RGS6: variants seen among roughly 807,000 people sequenced by gnomAD.
RGS6 encodes the protein regulator of G-protein signaling 6.
Under a neutral mutation model 78.5 loss-of-function variants are expected in RGS6, and 30 were observed. That is an observed-to-expected ratio of 0.38 (90% CI 0.29 to 0.52). RGS6 has a LOEUF of 0.52. Ranked by LOEUF, RGS6 falls within the 20% of genes least tolerant of loss-of-function variation. The probability of loss-of-function intolerance (pLI) is 0.85; values close to 1 mark genes in which losing one functional copy is unlikely to be tolerated. For synonymous variants in RGS6, 206 were observed against 206.0 expected (o/e 1.00, Z 0.00); for missense variants, 495 against 609.7 (o/e 0.81, Z 1.98).
At chr14:72,097,963 T>C (rs2095443768) in intron 2 of RGS6, among the ~76,000 whole-genome samples, 2 of 152,198 alleles carry the variant, frequency 1.3e-5, no homozygotes, top group Non-Finnish European at 2.9e-5. Flanking sequence ...GATGTCTGGG[T>C]CATTTTTCCA....
At chr14:72,002,728 G>A (rs1410026105) in intron 2 of RGS6, among the ~76,000 whole-genome samples, 3 of 152,096 alleles carry the variant, frequency 2.0e-5, no homozygotes, top group Non-Finnish European at 4.4e-5. Flanking sequence ...TGTGTTTCTG[G>A]GGAGACAGAT....
At chr14:72,627,076 G>A in the RGS6 span, among the ~76,000 whole-genome samples, 6 of 151,834 alleles carry the variant, frequency 4.0e-5, no homozygotes, top group Admixed American at 1.3e-4. Context: ...TTAAACTGTG[G>A]TACATGCTGC....
intron 2 of RGS6, among the ~76,000 whole-genome samples, chr14:72,077,809 A>G (rs1234309763): frequency 1.3e-5 from 2 of 152,222 alleles, no homozygotes; most frequent in African/African-American, 4.8e-5. Context: ...CCCTAGGGGT[A>G]TTAGTATTTA....
chr14:72,184,373 C>G (rs1599023967), intron 2 of RGS6, among the ~76,000 whole-genome samples: 1 of 85,846 alleles, frequency 1.2e-5, no homozygotes, highest in East Asian at 2.4e-4. Context: ...CTTTCAAACA[C>G]ACACACACAC....
At chr14:72,215,562 G>A (rs2045364310) in intron 2 of RGS6, among the ~76,000 whole-genome samples, 1 of 152,198 alleles carries the variant, frequency 6.6e-6, no homozygotes, top group Non-Finnish European at 1.5e-5. Flanking sequence ...CCCTACTGCT[G>A]TGTCCCGTTT....
At chr14:72,092,533 C>T (rs576688561) in intron 2 of RGS6, among the ~76,000 whole-genome samples, 5 of 152,144 alleles carry the variant, frequency 3.3e-5, no homozygotes, top group South Asian at 2.1e-4. Context: ...AGGCACCTGC[C>T]ACCACGCCCA....
chr14:72,329,265 C>T lies in RGS6; in HGVS notation c.85-22830C>T, dbSNP rs532005206. Among the ~76,000 whole-genome samples the T allele has an allele frequency of 1.0e-4, 16 of 152,390 alleles. No homozygotes were observed. In the South Asian group the frequency reaches 3.3e-3, roughly 32 times the overall value. ...ATGCACACACATACATATGCACATGCATGAACACATGCTTCACGGCGCTTC... is the reference window on the plus strand; with the variant it reads ...ATGCACACACATACATATGCACATGTATGAACACATGCTTCACGGCGCTTC... On this transcript the variant is annotated intron_variant, in intron 2 of 17. Coordinates refer to ENST00000553525, the MANE Select transcript of RGS6 (RefSeq NM_001204424.2).
chr14:72,374,850 A>C (rs1267270309), intron 3 of RGS6, among the ~76,000 whole-genome samples: 1 of 152,220 alleles, frequency 6.6e-6, no homozygotes, highest in Admixed American at 6.5e-5. Context: ...TTTTTAAAGA[A>C]ATAAGAGAGT....
chr14:72,303,555 A>T (rs1333200462), intron 2 of RGS6, among the ~76,000 whole-genome samples: 1 of 152,152 alleles, frequency 6.6e-6, no homozygotes, highest in African/African-American at 2.4e-5. Flanking sequence ...AGATTCCCCC[A>T]TGAGTTTCTG....
chr14:72,099,250 C>G (rs1418888895), intron 2 of RGS6, among the ~76,000 whole-genome samples: 1 of 152,062 alleles, frequency 6.6e-6, no homozygotes, highest in Non-Finnish European at 1.5e-5. Context: ...AGCTCTGCCT[C>G]CTGGGTTCAT....
At chr14:72,047,906 T>A (rs927855571) in intron 2 of RGS6, among the ~76,000 whole-genome samples, 6 of 147,430 alleles carry the variant, frequency 4.1e-5, no homozygotes, top group African/African-American at 1.5e-4. Context: ...TTGTTTTTTT[T>A]TTTTTTTTTT....
intron 3 of RGS6, among the ~76,000 whole-genome samples, chr14:72,415,100 ACTG>A (rs2093703444): frequency 6.6e-6 from 1 of 152,238 alleles, no homozygotes. Flanking sequence ...TGCAGAGGTT[ACTG>A]CTGCCTTTTG....
the RGS6 span, among the ~76,000 whole-genome samples, chr14:71,883,589 A>T: frequency 6.6e-6 from 1 of 152,128 alleles, no homozygotes; most frequent in Non-Finnish European, 1.5e-5. Flanking sequence ...CATTCCCAAG[A>T]GGTGAGGCAT....
intron 2 of RGS6, among the ~76,000 whole-genome samples, chr14:72,273,069 T>C (rs975425359): frequency 5.0e-4 from 76 of 151,350 alleles, no homozygotes; most frequent in Admixed American, 3.3e-4. Flanking sequence ...TGAGTGGAGG[T>C]TGCAGTGAGC....
chr14:72,175,923 G>A (rs1021077078), intron 2 of RGS6, among the ~76,000 whole-genome samples: 1 of 152,168 alleles, frequency 6.6e-6, no homozygotes, highest in Non-Finnish European at 1.5e-5. Context: ...GGGAGAATGA[G>A]CCTGTCTCTT....
At chr14:72,432,933 C>G (rs115252868) in intron 3 of RGS6, among the ~76,000 whole-genome samples, 65 of 152,252 alleles carry the variant, frequency 4.3e-4, no homozygotes, top group African/African-American at 1.6e-3. Flanking sequence ...TGTCACACAC[C>G]ATTCTAATGT....
chr14:72,615,706 G>A, the RGS6 span, among the ~76,000 whole-genome samples: 1 of 151,980 alleles, frequency 6.6e-6, no homozygotes, highest in Admixed American at 6.5e-5. Context: ...ACAGGAGCAG[G>A]GGAGCCTTGG....
At chr14:72,014,840 C>T (rs1273218420) in intron 2 of RGS6, among the ~76,000 whole-genome samples, 2 of 152,158 alleles carry the variant, frequency 1.3e-5, no homozygotes, top group African/African-American at 4.8e-5. Flanking sequence ...CCTCCATACC[C>T]GTCTGCCTTC....
At chr14:71,949,871 C>G (rs1232356834) in intron 1 of RGS6, among the ~76,000 whole-genome samples, 2 of 150,452 alleles carry the variant, frequency 1.3e-5, no homozygotes, top group East Asian at 3.9e-4. Context: ...ATAAAGGCAT[C>G]CGTATTTGTT....
Sources: allele counts gnomAD v4.1 joint callset (sites outside exome capture counted in the v4.1 genomes callset), GRCh38; gene constraint gnomAD v4.1.1; transcripts MANE v1.5; gene names NCBI Gene and HGNC (gene_info 2026-07-23, HGNC 2026-07-21).